Variants in DNAI3 observed in about 807,000 individuals in gnomAD.
DNAI3 encodes the protein WD repeat domain 63.
DNAI3 carries 83 observed loss-of-function variants against 115.5 expected under a neutral mutation model. That is an observed-to-expected ratio of 0.72 (90% CI 0.60 to 0.86). The LOEUF (loss-of-function observed/expected upper bound fraction) is 0.86. DNAI3 is among the 40% of genes least tolerant of loss of function. DNAI3 has a pLI of 0.00. For missense variants in DNAI3, 1,004 were observed against 1,075.8 expected, an observed-to-expected ratio of 0.93 and a Z score of 0.93; for synonymous variants, 320 against 347.0, an observed-to-expected ratio of 0.92 and a Z score of 0.86.
Position 85,104,609 on chromosome 1 carries a change from T to C in DNAI3, c.1553+12T>C, listed in dbSNP as rs1655431082. 4 of 1,611,612 alleles carry C rather than the reference T, an allele frequency of 2.5e-6. No individual in the cohort carries two copies. The highest frequency in any genetic ancestry group is 3.4e-6 in the Non-Finnish European group (4 of 1,178,216). The stretch of plus-strand genomic sequence containing the variant: ...TGTTCAGCAGATTGGTAAGTCTTGT[T>C]TCAAACATTTCCTAATGTGTTTTCA... On this transcript the variant is annotated intron_variant, in intron 14 of 22. Coordinates refer to ENST00000294664, the MANE Select transcript of DNAI3 (RefSeq NM_145172.5).
rs149945626 is a variant in DNAI3 at position 85,130,534 on chromosome 1, A to G, written c.2532+422A>G. Among the ~76,000 whole-genome samples the G allele has an allele frequency of 1.2e-3, 177 of 152,326 alleles. 2 individuals carry two copies. The highest frequency in any genetic ancestry group is 3.9e-3 in the African/African-American group (164 of 41,568). The stretch of plus-strand genomic sequence containing the variant: ...AAGGCTGTCACCTTTGCTGAGCTTC[A>G]GGTCTCTTATCTTGAAAATGGGAAT... On this transcript the variant is annotated intron_variant, in intron 22 of 22. Transcript: ENST00000294664.
At chr1:85,087,895 T>C (rs1654845889) in intron 7 of DNAI3, among the ~76,000 whole-genome samples, 2 of 152,124 alleles carry the variant, frequency 1.3e-5, no homozygotes, top group East Asian at 3.9e-4. Flanking sequence ...TTAAAAACCA[T>C]GAAAGTGCAA....
chr1:85,132,065 T>C (rs1001774823), intron 22 of DNAI3, among the ~76,000 whole-genome samples: 4 of 152,148 alleles, frequency 2.6e-5, no homozygotes, highest in Admixed American at 6.6e-5. Context: ...CTCTGTTACA[T>C]TGAGAACATA....
At chr1:85,107,331 T>G (rs551814064) in intron 14 of DNAI3, among the ~76,000 whole-genome samples, 5 of 152,282 alleles carry the variant, frequency 3.3e-5, no homozygotes, top group South Asian at 4.1e-4. Flanking sequence ...GAATTCAAAT[T>G]TATTTATCAA....
chr1:85,122,633 A>G (rs1047808179), intron 18 of DNAI3, among the ~76,000 whole-genome samples: 4 of 152,226 alleles, frequency 2.6e-5, no homozygotes, highest in Admixed American at 2.6e-4. Context: ...TCAGAACACC[A>G]TGAGGGAGCA....
At chr1:85,103,653 GA>G (rs1655395920) in intron 13 of DNAI3, among the ~76,000 whole-genome samples, 3 of 152,094 alleles carry the variant, frequency 2.0e-5, no homozygotes, top group Middle Eastern at 6.8e-3. Flanking sequence ...TTCAGAGGCC[GA>G]GGTGGGTGGA....
chr1:85,098,058 A>G (rs1655177004), intron 12 of DNAI3, among the ~76,000 whole-genome samples: 1 of 152,226 alleles, frequency 6.6e-6, no homozygotes, highest in South Asian at 2.1e-4. Flanking sequence ...TCTCATGTAT[A>G]AAATGAAGGG....
intron 11 of DNAI3, 66 bp downstream of exon 11, chr1:85,096,086 TGG>T: frequency 6.9e-7 from 1 of 1,454,354 alleles, no homozygotes; most frequent in Non-Finnish European, 9.6e-7. Context: ...AGTTTTGACT[TGG>T]CAGTTCCTTG....
chr1:85,103,104 C>A (rs1571183515), intron 13 of DNAI3, among the ~76,000 whole-genome samples: 1 of 152,152 alleles, frequency 6.6e-6, no homozygotes, highest in Non-Finnish European at 1.5e-5. Flanking sequence ...GCCACCTATA[C>A]CTTCCCCACC....
chr1:85,084,250 G>GTGTATA (rs1553165780), intron 5 of DNAI3, among the ~76,000 whole-genome samples: 240 of 85,028 alleles, frequency 2.8e-3, no homozygotes, highest in African/African-American at 8.4e-3. Context: ...TCAGCAGTGT[G>GTGTATA]TATATATATA....
intron 8 of DNAI3, among the ~76,000 whole-genome samples, chr1:85,093,017 G>C (rs773999817): frequency 3.9e-5 from 6 of 152,198 alleles, no homozygotes. Context: ...AGAGGCAGAC[G>C]TTTACTGAGG....
intron 2 of DNAI3, 36 bp from the exon 3 acceptor site, chr1:85,073,018 A>G (rs754878755): frequency 1.4e-6 from 2 of 1,389,338 alleles, no homozygotes; most frequent in Admixed American, 4.6e-5. Context: ...ATTTGATTCA[A>G]AAATGTAAAT....
At position 85,105,650 on chromosome 1, in the gene DNAI3, T is replaced by G. The variant is rs181508776; in HGVS notation, c.1553+1053T>G. 2.6e-5 allele frequency among the ~76,000 whole-genome samples: 4 copies of G among 152,192 alleles called. No homozygotes were observed. The East Asian group carries it at 7.7e-4, about 29-fold the overall frequency. On this transcript the variant is annotated intron_variant, in intron 14 of 22. Transcript: ENST00000294664. ...GTGAGTTATATGTAACACTACTGAA[T>G]GTCCTATATTGTAGCTAGTAAGTAA...
At chr1:85,109,674 A>G (rs1310533985) in intron 15 of DNAI3, among the ~76,000 whole-genome samples, 4 of 152,202 alleles carry the variant, frequency 2.6e-5, no homozygotes, top group African/African-American at 9.7e-5. Flanking sequence ...GTCCCTGCAC[A>G]ACTTTCTGGG....
At chr1:85,107,059 A>G (rs1042402403) in intron 14 of DNAI3, among the ~76,000 whole-genome samples, 2 of 152,228 alleles carry the variant, frequency 1.3e-5, no homozygotes, top group African/African-American at 4.8e-5. Context: ...TACAATGGCT[A>G]TAATCAAAAG....
At chr1:85,095,566 C>T (rs1214656524) in intron 10 of DNAI3, among the ~76,000 whole-genome samples, 2 of 152,190 alleles carry the variant, frequency 1.3e-5, no homozygotes, top group Non-Finnish European at 1.5e-5. Context: ...AAAACAGACA[C>T]AGATCCTGTC....
Position 85,098,401 on chromosome 1 carries a change from C to T in DNAI3, c.1351-129C>T, listed in dbSNP as rs964679114. ...CCTAAATATATGATATAGAGAAACA[C>T]TAATTTATGTTTTTCCTTGAACTGG... On this transcript the variant is annotated intron_variant, in intron 12 of 22. Transcript: ENST00000294664. 8.2e-6 allele frequency: 9 copies of T among 1,098,672 alleles called. No homozygotes were observed. The African/African-American group carries it at 1.1e-4, about 14-fold the overall frequency. 68.1% of individuals were successfully genotyped at this position (1,098,672 alleles called of 1,614,324 possible). A position where few individuals can be genotyped will look rare whatever the true frequency, so the allele number is the denominator to read the frequency against.
rs956699562 is a variant in DNAI3 at position 85,117,780 on chromosome 1, A to T, written c.1838A>T (p.Tyr613Phe). ...GAGAAGGCAGAAGAAATGAACCCGT[A>T]TCATAATCTGGAAAGTGGGATGGCC... ...KTEKAEEMNPYHNLESGMANL... is the reference protein window; with the variant it reads ...KTEKAEEMNPFHNLESGMANL... The change falls in exon 17 of 23, where the codon TAT (tyrosine) becomes TTT (phenylalanine). Residue 613 changes from tyrosine (Y) to phenylalanine (F), a missense_variant. This residue lies in a region of DNAI3 where 429 missense variants were observed against 454.3 expected (regional missense o/e 0.94). Coordinates refer to ENST00000294664, the MANE Select transcript of DNAI3 (RefSeq NM_145172.5). 1.2e-6 allele frequency: 2 copies of T among 1,613,852 alleles called. No individual in the cohort carries two copies. Among genetic ancestry groups the T allele is most frequent in the African/African-American group, 2.7e-5 (2 of 74,938 alleles).
At chr1:85,129,941 A>G (rs373308014) in intron 21 of DNAI3, 49 bp from the exon 22 acceptor site, 2 of 1,584,362 alleles carry the variant, frequency 1.3e-6, no homozygotes, top group Non-Finnish European at 1.7e-6. Context: ...TGTAAAGGTC[A>G]TGGGGGCTTC....
Sources: allele counts gnomAD v4.1 joint callset (sites outside exome capture counted in the v4.1 genomes callset), GRCh38; gene constraint gnomAD v4.1.1; regional missense constraint gnomAD v4.1.1; transcripts MANE v1.5; gene names NCBI Gene and HGNC (gene_info 2026-07-23, HGNC 2026-07-21).